Variants in CMTM8 observed in about 807,000 individuals in gnomAD.
CMTM8 encodes CKLF like MARVEL transmembrane domain containing 8.
CMTM8 carries 12 observed loss-of-function variants against 18.6 expected under a neutral mutation model. That is an observed-to-expected ratio of 0.65 (90% confidence interval 0.41 to 1.05). The LOEUF (loss-of-function observed/expected upper bound fraction) is 1.05, where lower values mean the gene tolerates loss of function less well. Among genes scored for constraint, CMTM8 ranks in the 50% least tolerant of loss-of-function variants. The pLI is 0.00. For missense variants in CMTM8, 217 were observed against 227.2 expected, an observed-to-expected ratio of 0.95 and a Z score of 0.29; for synonymous variants, 87 against 90.6, an observed-to-expected ratio of 0.96 and a Z score of 0.23.
chr3:32,337,557 T>A (rs1575182918), intron 1 of CMTM8, among the ~76,000 whole-genome samples: 1 of 152,352 alleles, frequency 6.6e-6, no homozygotes, highest in Non-Finnish European at 1.5e-5. Context: ...TGAGAAGATC[T>A]TGGATTGGGT....
intron 1 of CMTM8, among the ~76,000 whole-genome samples, chr3:32,264,907 C>T (rs1014773906): frequency 6.6e-6 from 1 of 152,170 alleles, no homozygotes; most frequent in Non-Finnish European, 1.5e-5. Flanking sequence ...AGCTGACTAT[C>T]CTAAATATAT....
At chr3:32,265,273 C>T (rs995061356) in intron 1 of CMTM8, among the ~76,000 whole-genome samples, 4 of 152,206 alleles carry the variant, frequency 2.6e-5, no homozygotes, top group Non-Finnish European at 4.4e-5. Context: ...ACAGTGCAAT[C>T]AAACTAGAAC....
At chr3:32,326,828 T>G (rs1184599924) in intron 1 of CMTM8, among the ~76,000 whole-genome samples, 1 of 152,200 alleles carries the variant, frequency 6.6e-6, no homozygotes, top group African/African-American at 2.4e-5. Context: ...TCTGGTCTTT[T>G]TGAGGCAGTG....
chr3:32,356,513 A>G (rs532607899), intron 1 of CMTM8, among the ~76,000 whole-genome samples: 1 of 152,296 alleles, frequency 6.6e-6, no homozygotes, highest in South Asian at 2.1e-4. Context: ...GGCTTTGGGT[A>G]TGGTCTTACT....
intron 1 of CMTM8, among the ~76,000 whole-genome samples, chr3:32,304,836 A>G (rs1304043920): frequency 6.6e-6 from 1 of 152,274 alleles, no homozygotes; most frequent in East Asian, 1.9e-4. Context: ...TCAGCAGCCT[A>G]TGCCATTGAC....
At chr3:32,285,489 G>T (rs111558121) in intron 1 of CMTM8, among the ~76,000 whole-genome samples, 1 of 149,570 alleles carries the variant, frequency 6.7e-6, no homozygotes, top group African/African-American at 2.5e-5. Context: ...CTCCAGCCTG[G>T]GTGACAGAGC....
chr3:32,316,248 T>G (rs1425997875), intron 1 of CMTM8, among the ~76,000 whole-genome samples: 1 of 151,830 alleles, frequency 6.6e-6, no homozygotes, highest in Admixed American at 6.6e-5. Context: ...AGAATGGTCT[T>G]GATCTCCTGA....
intron 1 of CMTM8, among the ~76,000 whole-genome samples, chr3:32,258,506 T>TTTTTG (rs941801265): frequency 5.3e-5 from 8 of 152,288 alleles, no homozygotes; most frequent in Non-Finnish European, 1.0e-4. Context: ...TGCTTTGTTT[T>TTTTTG]TTTTGTTTTG....
intron 1 of CMTM8, among the ~76,000 whole-genome samples, chr3:32,356,113 A>G (rs1696810328): frequency 6.6e-6 from 1 of 152,252 alleles, no homozygotes; most frequent in Non-Finnish European, 1.5e-5. Context: ...GCCTGATAGC[A>G]GGAAGCCCAG....
At position 32,238,972 on chromosome 3, in the gene CMTM8, G is replaced by A. The variant is rs1227260221; in HGVS notation, c.-1G>A. The A allele has an allele frequency of 1.3e-6, 2 of 1,547,752 alleles. No homozygotes were observed. The highest frequency in any genetic ancestry group is 1.2e-5 in the South Asian group (1 of 83,578). On this transcript the variant is annotated 5_prime_UTR_variant, in exon 1 of 4. Transcript: ENST00000307526. ...CGCGCCAGCCCGGCAGTGGCTCGACGATGGAGGAGCCGCAGCGCGCCCGCT... is the reference window on the plus strand; with the variant it reads ...CGCGCCAGCCCGGCAGTGGCTCGACAATGGAGGAGCCGCAGCGCGCCCGCT...
intron 1 of CMTM8, among the ~76,000 whole-genome samples, chr3:32,291,602 G>A (rs929224951): frequency 3.3e-5 from 5 of 152,214 alleles, no homozygotes; most frequent in South Asian, 4.1e-4. Context: ...AGTGAAGCAG[G>A]TAGGTTGTCA....
At chr3:32,302,258 A>T (rs1695635902) in intron 1 of CMTM8, among the ~76,000 whole-genome samples, 1 of 152,178 alleles carries the variant, frequency 6.6e-6, no homozygotes, top group Non-Finnish European at 1.5e-5. Context: ...TGATTGCACC[A>T]CTGCACTCTA....
intron 1 of CMTM8, among the ~76,000 whole-genome samples, chr3:32,273,091 T>G (rs1702464206): frequency 6.6e-6 from 1 of 150,462 alleles, no homozygotes; most frequent in East Asian, 2.0e-4. Flanking sequence ...AAAAAGACAG[T>G]AACAAGTATT....
intron 1 of CMTM8, among the ~76,000 whole-genome samples, chr3:32,255,742 G>A (rs1429371452): frequency 6.6e-6 from 1 of 151,920 alleles, no homozygotes; most frequent in Non-Finnish European, 1.5e-5. Context: ...TTGGAGGAGT[G>A]AGGACAGGAT....
At chr3:32,277,981 A>C (rs901328492) in intron 1 of CMTM8, among the ~76,000 whole-genome samples, 1 of 152,220 alleles carries the variant, frequency 6.6e-6, no homozygotes, top group Non-Finnish European at 1.5e-5. Context: ...CTGTCATGAC[A>C]GTCAAAGCAC....
chr3:32,275,189 T>C (rs1168310120), intron 1 of CMTM8, among the ~76,000 whole-genome samples: 1 of 151,708 alleles, frequency 6.6e-6, no homozygotes, highest in Non-Finnish European at 1.5e-5. Flanking sequence ...GTTTGGTTTT[T>C]TTTTTTGTGG....
chr3:32,238,454 G>A (rs182888521), upstream of CMTM8: 850 of 152,502 alleles, frequency 5.6e-3, 3 homozygotes, highest in Non-Finnish European at 7.3e-3. Flanking sequence ...AGAAGTAAAG[G>A]CCGGGAGGGG....
intron 1 of CMTM8, among the ~76,000 whole-genome samples, chr3:32,250,745 T>C (rs1182332331): frequency 1.3e-5 from 2 of 152,044 alleles, no homozygotes; most frequent in African/African-American, 4.8e-5. Context: ...TATTTCTTTC[T>C]TTTATTTTAT....
Position 32,286,430 on chromosome 3 carries a change from C to T in CMTM8, c.147+47311C>T, listed in dbSNP as rs568471136. ...CAAGCTCCTTCTCCACACTGCTGGC[C>T]GCTGGGGTAAACGAAGAAGCTGTGG... is the stretch of plus-strand genomic sequence containing the variant. On this transcript the variant is annotated intron_variant, in intron 1 of 3. Transcript: ENST00000307526. Among the ~76,000 whole-genome samples the T allele has an allele frequency of 1.2e-3, 189 of 152,188 alleles. 1 individual carries two copies. Among genetic ancestry groups the T allele is most frequent in the Admixed American group, 2.5e-3 (38 of 15,284 alleles).
Sources: gnomAD v4.1 joint callset for allele counts (sites outside exome capture counted in the v4.1 genomes callset) on GRCh38, gnomAD v4.1.1 for gene constraint, MANE v1.5 for transcripts, NCBI Gene and HGNC (gene_info 2026-07-23, HGNC 2026-07-21) for gene names.